Variants in LHFPL2 observed in about 807,000 individuals in gnomAD.
LHFPL2 encodes the protein LHFPL tetraspan subfamily member 2 protein.
Under a neutral mutation model 17.5 loss-of-function variants are expected in LHFPL2, and 7 were observed. The observed-to-expected ratio is 0.40, with a 90% CI of 0.23 to 0.75. The LOEUF (loss-of-function observed/expected upper bound fraction) is 0.75. Ranked by LOEUF, LHFPL2 falls within the 30% of genes least tolerant of loss-of-function variation. The pLI is 0.37. For missense variants in LHFPL2, 241 were observed against 294.8 expected (o/e 0.82, Z 1.34); for synonymous variants, 134 against 116.2 (o/e 1.15, Z -0.99).
At chr5:78,576,585 T>C (rs1237718161) in intron 2 of LHFPL2, among the ~76,000 whole-genome samples, 1 of 152,098 alleles carries the variant, frequency 6.6e-6, no homozygotes, top group Non-Finnish European at 1.5e-5. Flanking sequence ...CTGGATACAA[T>C]TTGCAGGAGA....
intron 2 of LHFPL2, among the ~76,000 whole-genome samples, chr5:78,579,974 A>G (rs1324653144): frequency 6.6e-6 from 1 of 152,178 alleles, no homozygotes; most frequent in Non-Finnish European, 1.5e-5. Flanking sequence ...AACAGTGTAA[A>G]AGTGTTCCTA....
At chr5:78,637,859 G>A (rs1422507494) in intron 1 of LHFPL2, among the ~76,000 whole-genome samples, 1 of 152,146 alleles carries the variant, frequency 6.6e-6, no homozygotes, top group African/African-American at 2.4e-5. Flanking sequence ...AGCTTGAGAA[G>A]CCCTCCTGAT....
chr5:78,565,280 T>C (rs180967064), intron 2 of LHFPL2, among the ~76,000 whole-genome samples: 4 of 152,208 alleles, frequency 2.6e-5, no homozygotes, highest in Admixed American at 2.6e-4. Flanking sequence ...AAAACTATCC[T>C]AGCAGCACTT....
At chr5:78,646,518 G>C (rs1332423138) in intron 1 of LHFPL2, among the ~76,000 whole-genome samples, 2 of 152,264 alleles carry the variant, frequency 1.3e-5, no homozygotes, top group East Asian at 3.9e-4. Flanking sequence ...CAGAAACAGA[G>C]AAATTAAATA....
chr5:78,499,901 A>G (rs1754720097), intron 4 of LHFPL2, among the ~76,000 whole-genome samples: 1 of 152,202 alleles, frequency 6.6e-6, no homozygotes, highest in Non-Finnish European at 1.5e-5. Context: ...CAACTTCTAG[A>G]AAGAAGCCTA....
chr5:78,533,997 C>T (rs770678438), intron 3 of LHFPL2, among the ~76,000 whole-genome samples: 3 of 152,204 alleles, frequency 2.0e-5, no homozygotes, highest in Non-Finnish European at 4.4e-5. Flanking sequence ...GCGACCTTCC[C>T]GGACCACTCA....
At chr5:78,621,747 G>C (rs1414671407) in intron 2 of LHFPL2, among the ~76,000 whole-genome samples, 1 of 152,074 alleles carries the variant, frequency 6.6e-6, no homozygotes, top group Non-Finnish European at 1.5e-5. Context: ...TGCATTGCTG[G>C]GTTGGTGCAA....
At chr5:78,625,637 C>T (rs1449453260) in intron 2 of LHFPL2, 1 of 152,222 alleles carries the variant, frequency 6.6e-6, no homozygotes, top group Non-Finnish European at 1.5e-5. Context: ...GGCAACACTT[C>T]TACAGACTTT....
intron 2 of LHFPL2, among the ~76,000 whole-genome samples, chr5:78,605,526 A>T (rs1177150579): frequency 6.6e-6 from 1 of 152,158 alleles, no homozygotes; most frequent in African/African-American, 2.4e-5. Context: ...ATTATTACCA[A>T]CCCCATGACC....
intron 3 of LHFPL2, among the ~76,000 whole-genome samples, chr5:78,552,035 C>A (rs1477471224): frequency 6.6e-6 from 1 of 152,166 alleles, no homozygotes; most frequent in African/African-American, 2.4e-5. Context: ...GGCAATTTCC[C>A]CTGTATCTTT....
At chr5:78,507,130 G>A (rs1754954873) in intron 4 of LHFPL2, among the ~76,000 whole-genome samples, 1 of 152,104 alleles carries the variant, frequency 6.6e-6, no homozygotes, top group South Asian at 2.1e-4. Flanking sequence ...AGGAGTTTGA[G>A]ACCAGCCTGG....
chr5:78,621,064 T>C (rs971229387), intron 2 of LHFPL2, among the ~76,000 whole-genome samples: 1 of 151,536 alleles, frequency 6.6e-6, no homozygotes, highest in African/African-American at 2.4e-5. Context: ...GCCTCCCAGG[T>C]AAAACCATCA....
chr5:78,536,073 CT>C, intron 3 of LHFPL2, among the ~76,000 whole-genome samples: 1 of 152,302 alleles, frequency 6.6e-6, no homozygotes, highest in African/African-American at 2.4e-5. Flanking sequence ...CTAACTAACG[CT>C]TATCAGGAGC....
chr5:78,500,880 C>T (rs546387037), intron 4 of LHFPL2, among the ~76,000 whole-genome samples: 1 of 152,222 alleles, frequency 6.6e-6, no homozygotes, highest in African/African-American at 2.4e-5. Flanking sequence ...CTAGGAGGGC[C>T]GGGTCTATAT....
At chr5:78,578,094 C>T (rs1315133964) in intron 2 of LHFPL2, among the ~76,000 whole-genome samples, 3 of 152,210 alleles carry the variant, frequency 2.0e-5, no homozygotes, top group Non-Finnish European at 4.4e-5. Context: ...AACTGGCAAA[C>T]ACCAGGATAA....
At chr5:78,538,986 C>T (rs927947593) in intron 3 of LHFPL2, among the ~76,000 whole-genome samples, 9 of 152,178 alleles carry the variant, frequency 5.9e-5, no homozygotes, top group African/African-American at 2.2e-4. Flanking sequence ...CATAATGACC[C>T]TAGGCAAGGC....
In LHFPL2 at chr5:78,585,164, G is replaced by A. The variant is rs573762703; in HGVS notation, c.-244-20293C>T. ...TGGGACTACAGGTGCCCGCCACTAC[G>A]CCCGGCTAATTTTTTGTATTTTTAG... On this transcript the variant is annotated intron_variant, in intron 2 of 4. Coordinates refer to ENST00000380345, the MANE Select transcript of LHFPL2 (RefSeq NM_005779.3). Among the ~76,000 whole-genome samples, 12 of 114,654 alleles carry A rather than the reference G, an allele frequency of 1.0e-4. 3 individuals carry two copies. Among genetic ancestry groups the A allele is most frequent in the East Asian group, 8.9e-4 (4 of 4,472 alleles). 75.2% of individuals were successfully genotyped at this position (114,654 alleles called of 152,430 possible).
At chr5:78,605,989 A>T (rs1293748745) in intron 2 of LHFPL2, among the ~76,000 whole-genome samples, 1 of 152,238 alleles carries the variant, frequency 6.6e-6, no homozygotes, top group Non-Finnish European at 1.5e-5. Flanking sequence ...CTCTAATATG[A>T]GGACTGATGA....
chr5:78,581,659 A>G (rs532155546), intron 2 of LHFPL2, among the ~76,000 whole-genome samples: 2 of 152,290 alleles, frequency 1.3e-5, no homozygotes, highest in East Asian at 3.9e-4. Context: ...CATGGTGGAT[A>G]AGCTTTTTGA....
Sources: gnomAD v4.1 joint callset for allele counts (sites outside exome capture counted in the v4.1 genomes callset) on GRCh38, gnomAD v4.1.1 for gene constraint, MANE v1.5 for transcripts, NCBI Gene and HGNC (gene_info 2026-07-23, HGNC 2026-07-21) for gene names.